Variants in B4GALT4 observed in about 807,000 individuals in gnomAD.
The protein encoded by B4GALT4 is beta-1,4-galactosyltransferase 4, also known as N-acetyllactosamine synthase.
Under a neutral mutation model 37.3 loss-of-function variants are expected in B4GALT4, and 27 were observed. That is an observed-to-expected ratio of 0.72 (90% CI 0.53 to 1.00). The LOEUF is 1.00. Among genes scored for constraint, B4GALT4 ranks in the 50% least tolerant of loss-of-function variants. The pLI, the probability that B4GALT4 is intolerant of heterozygous loss-of-function variation, is 0.00. For missense variants in B4GALT4, 372 were observed against 413.1 expected (o/e 0.90, Z 0.86); for synonymous variants, 148 against 154.1 (o/e 0.96, Z 0.29).
intron 2 of B4GALT4, among the ~76,000 whole-genome samples, chr3:119,231,192 A>G (rs2078802671): frequency 1.3e-5 from 2 of 152,166 alleles, no homozygotes; most frequent in Admixed American, 6.5e-5. Flanking sequence ...GGATAATATG[A>G]ATTCACTTCT....
chr3:119,223,912 G>A (rs2078522575), intron 5 of B4GALT4, 146 bp downstream of exon 5: 1 of 731,172 alleles, frequency 1.4e-6, no homozygotes, highest in Non-Finnish European at 2.0e-6. Flanking sequence ...TCTAACTTCT[G>A]TTTTGCACTT....
rs115206587 is a variant in B4GALT4, at chr3:119,223,040, T to C, written c.674+1018A>G. 2.9e-3 allele frequency among the ~76,000 whole-genome samples: 445 copies of C among 152,372 alleles called. 3 individuals carry two copies. The highest frequency in any genetic ancestry group is 0.01 in the African/African-American group (426 of 41,588). On this transcript the variant is annotated intron_variant, in intron 5 of 7. Coordinates refer to ENST00000393765, the MANE Select transcript of B4GALT4 (RefSeq NM_003778.4). ...ACTCACTTTCCACTTCACACTCACG[T>C]AGAGTACATACTGGTGGAATCTCCA...
chr3:119,233,509 G>A (rs1199362893), intron 2 of B4GALT4, among the ~76,000 whole-genome samples: 1 of 152,114 alleles, frequency 6.6e-6, no homozygotes, highest in Non-Finnish European at 1.5e-5. Flanking sequence ...CAATATGTGG[G>A]TTCCTCAGGG....
intron 1 of B4GALT4, chr3:119,240,587 C>T (rs2079127168): frequency 6.6e-6 from 1 of 152,276 alleles, no homozygotes; most frequent in Non-Finnish European, 1.5e-5. Flanking sequence ...CGTCTGGCTC[C>T]CCCGGCCCGC....
At position 119,213,871 on chromosome 3, in the gene B4GALT4, A is replaced by T. The variant is rs1366915125; in HGVS notation, c.903-1190T>A. The T allele has an allele frequency of 2.0e-5, 3 of 152,246 alleles. No individual in the cohort carries two copies. The East Asian group carries it at 5.8e-4, about 29-fold the overall frequency. 9.4% of individuals were successfully genotyped at this position (152,246 alleles called of 1,614,324 possible). A position where few individuals can be genotyped will look rare whatever the true frequency, so the allele number is the denominator to read the frequency against. On this transcript the variant is annotated intron_variant, in intron 7 of 7. Coordinates refer to ENST00000393765, the MANE Select transcript of B4GALT4 (RefSeq NM_003778.4). The stretch of plus-strand genomic sequence containing the variant: ...AAAAACATAGAAAATAGAAATAGCT[A>T]TTTTGTTGGAGTGGTTGACTCTACC...
chr3:119,233,501 A>G (rs958010707), intron 2 of B4GALT4, among the ~76,000 whole-genome samples: 5 of 152,128 alleles, frequency 3.3e-5, no homozygotes, highest in African/African-American at 1.2e-4. Context: ...AACTTTTCCA[A>G]TATGTGGGTT....
At chr3:119,213,173 G>A (rs556906519) in intron 7 of B4GALT4, 2 of 152,318 alleles carry the variant, frequency 1.3e-5, no homozygotes, top group Non-Finnish European at 2.9e-5. Flanking sequence ...CAGGGAGAAG[G>A]AAAATTTCAG....
rs182695116 is a variant in B4GALT4 at position 119,228,284 on chromosome 3, G to A, written c.254-1243C>T. On this transcript the variant is annotated intron_variant, in intron 3 of 7. Transcript: ENST00000393765. ...CCTTCTCATCGTCATAACTTTTTAC[G>A]TGCCCTAACCTAGTATCTGCTTCCA... Among the ~76,000 whole-genome samples, 491 of 152,088 alleles carry A rather than the reference G, an allele frequency of 3.2e-3. 10 individuals carry two copies. The highest frequency in any genetic ancestry group is 0.028 in the Admixed American group (434 of 15,278).
rs201097891 is a variant in B4GALT4 at position 119,218,786 on chromosome 3, G to C, written c.675-14C>G. ...CTGTAACGTAACCTGGAGCAAAAGA[G>C]ATGAGAGAAATGGTAAGAATATTCG... is the stretch of plus-strand genomic sequence containing the variant. On this transcript the variant is annotated splice_polypyrimidine_tract_variant and intron_variant, in intron 5 of 7. Coordinates refer to ENST00000393765, the MANE Select transcript of B4GALT4 (RefSeq NM_003778.4). The C allele has an allele frequency of 2.4e-4, 383 of 1,613,688 alleles. No homozygotes were observed. Among genetic ancestry groups the C allele is most frequent in the Admixed American group, 4.3e-4 (26 of 59,956 alleles).
In B4GALT4 at chr3:119,224,195, T is replaced by C. The variant is rs2078531738; in HGVS notation, c.537A>G (p.Leu179=). ...NRAKLLNVGY[L]EALKEENWDC... ...CCCAATTTTCTTCCTTGAGGGCTTC[T>C]AGATAGCCCACATTCAAGAGTTTGG... The change falls in exon 5 of 8, where the codon CTA becomes CTG. Residue 179 remains leucine (L), a synonymous_variant. Coordinates refer to ENST00000393765, the MANE Select transcript of B4GALT4 (RefSeq NM_003778.4). 2.5e-6 allele frequency: 4 copies of C among 1,613,608 alleles called. No individual in the cohort carries two copies. Among genetic ancestry groups the C allele is most frequent in the Non-Finnish European group, 3.4e-6 (4 of 1,179,904 alleles).
intron 2 of B4GALT4, among the ~76,000 whole-genome samples, chr3:119,231,866 A>C (rs1258323209): frequency 6.8e-6 from 1 of 147,716 alleles, no homozygotes; most frequent in Non-Finnish European, 1.5e-5. Flanking sequence ...ATTTTATATA[A>C]ATGTATATAT....
At chr3:119,223,139 T>G (rs538389619) in intron 5 of B4GALT4, among the ~76,000 whole-genome samples, 1 of 152,190 alleles carries the variant, frequency 6.6e-6, no homozygotes, top group African/African-American at 2.4e-5. Flanking sequence ...CTCTCTCCCC[T>G]CCTTACCAAG....
chr3:119,228,798 G>T, intron 3 of B4GALT4, among the ~76,000 whole-genome samples: 1 of 137,726 alleles, frequency 7.3e-6, no homozygotes. Context: ...CATAAGGGTG[G>T]AGCTGCCAGG....
chr3:119,212,473 A>C lies in B4GALT4; in HGVS notation c.*76T>G, dbSNP rs1192471303. On this transcript the variant is annotated 3_prime_UTR_variant, in exon 8 of 8. Coordinates refer to ENST00000393765, the MANE Select transcript of B4GALT4 (RefSeq NM_003778.4). ...CTGTAACAGGTTCTTAATGTGTGCTACTATTTGAAGTCTCTAGGCCAAAAT... is the reference window on the plus strand; with the variant it reads ...CTGTAACAGGTTCTTAATGTGTGCTCCTATTTGAAGTCTCTAGGCCAAAAT... The C allele has an allele frequency of 7.0e-7, 1 of 1,421,414 alleles. No individual in the cohort carries two copies. The highest frequency in any genetic ancestry group is 1.4e-5 in the African/African-American group (1 of 69,824). 88.1% of individuals were successfully genotyped at this position (1,421,414 alleles called of 1,614,324 possible).
chr3:119,221,564 A>G (rs141178158), intron 5 of B4GALT4, among the ~76,000 whole-genome samples: 2,675 of 152,316 alleles, frequency 0.018, 36 homozygotes, highest in Non-Finnish European at 0.03. Context: ...GGCAACTCCT[A>G]CCTACATTAC....
intron 3 of B4GALT4, 141 bp downstream of exon 3, chr3:119,229,706 T>C: frequency 2.2e-6 from 2 of 924,388 alleles, no homozygotes; most frequent in Non-Finnish European, 3.1e-6. Flanking sequence ...ATATTTATTT[T>C]ATTTGAATGT....
rs34746912 is a variant in B4GALT4 at position 119,229,998 on chromosome 3, G to A, written c.102C>T (p.Phe34=). 4,225 of 1,614,132 alleles carry A rather than the reference G, an allele frequency of 2.6e-3. 90 individuals are homozygous for A. In the African/African-American group the frequency reaches 0.048, roughly 18 times the overall value. The change falls in exon 3 of 8, where the codon TTC becomes TTT. Residue 34 remains phenylalanine (F), a synonymous_variant. Transcript: ENST00000393765. ...TVVGWATSNY[F]VGAIQEIPKA... is the part of the protein sequence containing the mutation. ...TAGGAATCTCTTGAATGGCACCCAC[G>A]AAGTAGTTACTGGTGGCCCACCCAA...
chr3:119,227,085 A>G (rs2078643728), intron 3 of B4GALT4, 44 bp from the exon 4 acceptor site: 1 of 1,568,506 alleles, frequency 6.4e-7, no homozygotes, highest in Non-Finnish European at 8.8e-7. Flanking sequence ...AGCTACTTCA[A>G]AAAGTGTTGA....
chr3:119,233,921 T>C (rs753850626), intron 2 of B4GALT4, among the ~76,000 whole-genome samples: 42 of 152,314 alleles, frequency 2.8e-4, no homozygotes, highest in Non-Finnish European at 4.9e-4. Flanking sequence ...ACATCTGAAG[T>C]GTGAAGGGTC....
Sources: allele counts gnomAD v4.1 joint callset (sites outside exome capture counted in the v4.1 genomes callset), GRCh38; gene constraint gnomAD v4.1.1; transcripts MANE v1.5; gene names NCBI Gene and HGNC (gene_info 2026-07-23, HGNC 2026-07-21).